The following EML1 variants were observed in gnomAD, a reference collection of about 807,000 sequenced individuals.
EML1 encodes echinoderm microtubule-associated protein-like 1.
EML1 carries 27 observed loss-of-function variants against 110.4 expected under a neutral mutation model. The ratio of observed to expected loss-of-function variants is 0.24; its 90% confidence interval spans 0.18 to 0.34. The LOEUF (loss-of-function observed/expected upper bound fraction) is 0.34, where lower values mean the gene tolerates loss of function less well. Among genes scored for constraint, EML1 ranks in the 10% least tolerant of loss-of-function variants. The pLI is 1.00. For synonymous variants in EML1, 344 were observed against 385.8 expected (o/e 0.89, Z 1.27); for missense variants, 741 against 1,030.9 (o/e 0.72, Z 3.85).
chr14:99,765,104 A>AT (rs1231874780), intron 1 of EML1, among the ~76,000 whole-genome samples: 2 of 151,588 alleles, frequency 1.3e-5, no homozygotes, highest in African/African-American at 2.4e-5. Context: ...TGCACAGCTA[A>AT]TTTTTTTTCT....
intron 1 of EML1, among the ~76,000 whole-genome samples, chr14:99,836,732 G>T (rs868156528): frequency 6.6e-6 from 1 of 152,076 alleles, no homozygotes; most frequent in Non-Finnish European, 1.5e-5. Flanking sequence ...ATTTTGCCTC[G>T]TTGGGTGCTG....
At chr14:99,867,767 C>T (rs1027553781) in intron 3 of EML1, among the ~76,000 whole-genome samples, 21 of 151,972 alleles carry the variant, frequency 1.4e-4, no homozygotes, top group Admixed American at 7.2e-4. Context: ...ATCTGTAGAC[C>T]GATAGTTTTA....
chr14:99,797,010 G>A (rs1443782333), intron 1 of EML1, among the ~76,000 whole-genome samples: 2 of 152,054 alleles, frequency 1.3e-5, no homozygotes, highest in African/African-American at 4.8e-5. Flanking sequence ...TTAAGTGCGT[G>A]TAGTATATTC....
intron 1 of EML1, among the ~76,000 whole-genome samples, chr14:99,803,574 G>A (rs551813001): frequency 9.8e-4 from 150 of 152,322 alleles, no homozygotes; most frequent in African/African-American, 3.4e-3. Context: ...CACAGTTGCT[G>A]CTGAATGCCT....
At chr14:99,852,020 C>G (rs1036752845) in intron 2 of EML1, among the ~76,000 whole-genome samples, 2 of 152,162 alleles carry the variant, frequency 1.3e-5, no homozygotes, top group Non-Finnish European at 2.9e-5. Flanking sequence ...CATTTCATGT[C>G]CCTGTGGCTC....
At chr14:99,836,702 G>A (rs890557006) in intron 1 of EML1, among the ~76,000 whole-genome samples, 3 of 151,988 alleles carry the variant, frequency 2.0e-5, no homozygotes, top group South Asian at 2.1e-4. Context: ...TTGTTTTTTC[G>A]TGGAGGTCAG....
At chr14:99,902,723 A>G (rs59462655) in intron 9 of EML1, among the ~76,000 whole-genome samples, 84,342 of 151,548 alleles carry the variant, frequency 0.56, 23,857 homozygotes, top group African/African-American at 0.67. Context: ...GCCCAGCCAT[A>G]GGTTTATATT....
rs2057782370 is a variant in EML1 at position 99,796,728 on chromosome 14, A to G, written c.67+3185A>G. 2.6e-5 allele frequency among the ~76,000 whole-genome samples: 4 copies of G among 151,926 alleles called. No individual in the cohort carries two copies. The South Asian group carries it at 8.3e-4, about 32-fold the overall frequency. The stretch of plus-strand genomic sequence containing the variant: ...AAAAAGTGAACAGTAGCTATCCTTT[A>G]TAAGACAATTTATGATTTGGGAAAT... On this transcript the variant is annotated intron_variant, in intron 1 of 21. Coordinates refer to ENST00000262233, the MANE Select transcript of EML1 (RefSeq NM_004434.3).
intron 1 of EML1, among the ~76,000 whole-genome samples, chr14:99,782,243 G>A (rs892732467): frequency 6.6e-6 from 1 of 152,160 alleles, no homozygotes; most frequent in Admixed American, 6.5e-5. Context: ...GGCCTGACAG[G>A]ACTGGGTTTA....
At chr14:99,910,200 A>G (rs1165379794) in intron 11 of EML1, 42 bp from the exon 12 acceptor site, 2 of 1,342,508 alleles carry the variant, frequency 1.5e-6, no homozygotes. Context: ...TATATGTTGT[A>G]TGGATTAAAT....
chr14:99,836,589 T>A (rs1456322005), intron 1 of EML1, among the ~76,000 whole-genome samples: 2 of 152,232 alleles, frequency 1.3e-5, no homozygotes, highest in Non-Finnish European at 2.9e-5. Flanking sequence ...TTAATTGTTC[T>A]TGTCTACTAA....
upstream of EML1, among the ~76,000 whole-genome samples, chr14:99,788,883 C>T (rs1457202515): frequency 3.9e-5 from 6 of 152,172 alleles, no homozygotes; most frequent in African/African-American, 1.4e-4. Context: ...TTTGACAACC[C>T]TAGGCACTTC....
intron 3 of EML1, chr14:99,874,966 A>T (rs2059265263): frequency 6.2e-7 from 1 of 1,613,646 alleles, no homozygotes; most frequent in Non-Finnish European, 8.5e-7. Context: ...AATGCTTGCA[A>T]ACTGAATAGA....
At chr14:99,898,355 A>AT in intron 8 of EML1, 53 bp downstream of exon 8, 2 of 1,540,210 alleles carry the variant, frequency 1.3e-6, no homozygotes, top group Non-Finnish European at 1.8e-6. Flanking sequence ...ACACAAAGTA[A>AT]TTTTTAGAAA....
In EML1 at chr14:99,910,274, G is replaced by A. The variant is rs746021953; in HGVS notation, c.1272G>A (p.Val424=). 8.1e-6 allele frequency: 13 copies of A among 1,613,094 alleles called. No homozygotes were observed. Among genetic ancestry groups the A allele is most frequent in the African/African-American group, 2.7e-5 (2 of 74,896 alleles). Residue 424 remains valine, a synonymous_variant, in exon 12 of 22, where the codon GTG becomes GTA. Coordinates refer to ENST00000262233, the MANE Select transcript of EML1 (RefSeq NM_004434.3). ...AAAAGCCAAAGTTTGTCCTCTGTGT[G>A]ACTTTCTCTGAAAACGGTGACACCA... ...KQEKPKFVLC[V]TFSENGDTIT... is the part of the protein sequence containing the mutation.
chr14:99,748,085 C>T (rs1469508245), intron 1 of EML1, among the ~76,000 whole-genome samples: 2 of 152,136 alleles, frequency 1.3e-5, no homozygotes, highest in Non-Finnish European at 2.9e-5. Context: ...GGAATTCGCC[C>T]GGGATGCCCG....
At position 99,851,041 on chromosome 14, in the gene EML1, C is replaced by A. The variant is rs182486651; in HGVS notation, c.250+6C>A. On this transcript the variant is annotated splice_donor_region_variant and intron_variant, in intron 2 of 21. Transcript: ENST00000262233. ...CAGGAAAGGACCTACCAAAGGTGGG[C>A]GTTTGAGTGACACAGGAACTTCAGT... 1 of 1,604,806 alleles carries A rather than the reference C, an allele frequency of 6.2e-7. No homozygotes were observed. The highest frequency in any genetic ancestry group is 1.1e-5 in the South Asian group (1 of 90,692).
upstream of EML1, among the ~76,000 whole-genome samples, chr14:99,772,088 G>T (rs936150052): frequency 6.6e-6 from 1 of 152,174 alleles, no homozygotes; most frequent in Non-Finnish European, 1.5e-5. Context: ...AGTGATTTCG[G>T]ATTGTATCCT....
intron 1 of EML1, among the ~76,000 whole-genome samples, chr14:99,760,761 T>A (rs1404050156): frequency 6.6e-6 from 1 of 152,018 alleles, no homozygotes; most frequent in East Asian, 1.9e-4. Flanking sequence ...AGCCAGACGG[T>A]CCCTCAGTGT....
Sources: allele counts gnomAD v4.1 joint callset (sites outside exome capture counted in the v4.1 genomes callset), GRCh38; gene constraint gnomAD v4.1.1; transcripts MANE v1.5; gene names NCBI Gene and HGNC (gene_info 2026-07-23, HGNC 2026-07-21).